Variants in GALNT16 observed in about 807,000 individuals in gnomAD.
GALNT16 encodes UDP-GalNAc:polypeptide N-acetylgalactosaminyltransferase-like protein 1.
A neutral mutation model predicts 76.1 loss-of-function variants in GALNT16; 40 were observed. The ratio of observed to expected loss-of-function variants is 0.53; its 90% CI spans 0.41 to 0.68. The LOEUF (loss-of-function observed/expected upper bound fraction) is 0.68, where lower values mean the gene tolerates loss of function less well. Among genes scored for constraint, GALNT16 ranks in the 30% least tolerant of loss-of-function variants. The pLI is 0.00. For missense variants in GALNT16, 621 were observed against 731.9 expected, an observed-to-expected ratio of 0.85 and a Z score of 1.75; for synonymous variants, 276 against 285.2, an observed-to-expected ratio of 0.97 and a Z score of 0.32.
intron 2 of GALNT16, among the ~76,000 whole-genome samples, chr14:69,321,558 C>G (rs963655411): frequency 6.6e-6 from 1 of 152,186 alleles, no homozygotes; most frequent in Non-Finnish European, 1.5e-5. Context: ...TGAAGCACCA[C>G]CCCCCGCTCC....
the GALNT16 span, among the ~76,000 whole-genome samples, chr14:69,367,946 G>A: frequency 6.6e-6 from 1 of 152,222 alleles, no homozygotes; most frequent in Admixed American, 6.5e-5. Flanking sequence ...TGACATGATT[G>A]TGCCACTGCA....
At chr14:69,383,983 A>T in the GALNT16 span, among the ~76,000 whole-genome samples, 1 of 152,100 alleles carries the variant, frequency 6.6e-6, no homozygotes, top group Non-Finnish European at 1.5e-5. Context: ...CCCTGTCTCT[A>T]AAATTTTTTT....
chr14:69,373,687 CCTCT>C, the GALNT16 span, among the ~76,000 whole-genome samples: 2 of 152,194 alleles, frequency 1.3e-5, no homozygotes, highest in African/African-American at 4.8e-5. Flanking sequence ...AGATTATCTC[CCTCT>C]AAGTCTTCTT....
chr14:69,344,799 C>G (rs2045540442), intron 12 of GALNT16, among the ~76,000 whole-genome samples: 1 of 152,208 alleles, frequency 6.6e-6, no homozygotes, highest in Non-Finnish European at 1.5e-5. Context: ...GCTGTATTCC[C>G]CCTGTGCAGT....
rs373249778 is a variant in GALNT16, at chr14:69,325,303, C to T, written c.435-34C>T. The stretch of plus-strand genomic sequence containing the variant: ...TAAAAATGGGAGGTGGTTCCTAAAT[C>T]CAGGCTCTTTCTCTGTTTCCACTGC... On this transcript the variant is annotated intron_variant, in intron 3 of 14. Coordinates refer to ENST00000448469, the MANE Select transcript of GALNT16 (RefSeq NM_001168368.2). 5.0e-6 allele frequency: 7 copies of T among 1,400,206 alleles called. No homozygotes were observed. In the Admixed American group the frequency reaches 8.4e-5, roughly 17 times the overall value. 86.7% of individuals were successfully genotyped at this position (1,400,206 alleles called of 1,614,324 possible).
intron 6 of GALNT16, among the ~76,000 whole-genome samples, chr14:69,328,886 C>T (rs555922292): frequency 3.3e-5 from 5 of 152,238 alleles, no homozygotes; most frequent in Admixed American, 2.0e-4. Flanking sequence ...AGCTTTTGTT[C>T]GGGCTGGGAA....
the GALNT16 span, among the ~76,000 whole-genome samples, chr14:69,367,941 T>C: frequency 2.6e-5 from 4 of 152,174 alleles, no homozygotes; most frequent in East Asian, 5.8e-4. Flanking sequence ...TACAGTGACA[T>C]GATTGTGCCA....
the GALNT16 span, among the ~76,000 whole-genome samples, chr14:69,370,452 G>C: frequency 2.0e-5 from 3 of 152,230 alleles, no homozygotes; most frequent in Non-Finnish European, 2.9e-5. Context: ...AAGGATCATG[G>C]ATGCATTGTC....
chr14:69,372,523 TCTTG>T, the GALNT16 span, among the ~76,000 whole-genome samples: 4 of 124,620 alleles, frequency 3.2e-5, no homozygotes, highest in South Asian at 1.0e-3. Flanking sequence ...TGAAATGGAG[TCTTG>T]CTCTGTTGCC....
rs1469497759 is a variant in GALNT16 at position 69,261,321 on chromosome 14, G to C, written c.177+854G>C. On this transcript the variant is annotated intron_variant, in intron 1 of 14. Coordinates refer to ENST00000448469, the MANE Select transcript of GALNT16 (RefSeq NM_001168368.2). This position sits in a 1 kb window ranked among gnomAD's most constrained non-coding sequence, Gnocchi z 6.4. The stretch of plus-strand genomic sequence containing the variant: ...GGCGATCCTGTCGCCGTCTCCGTCC[G>C]AGCCCCAGGTGACAGAGCTGTGCGT... 6.6e-6 allele frequency among the ~76,000 whole-genome samples: 1 copy of C among 152,162 alleles called. No individual in the cohort carries two copies. Among genetic ancestry groups the C allele is most frequent in the Non-Finnish European group, 1.5e-5 (1 of 67,994 alleles).
At chr14:69,275,264 A>T (rs2044457556) in intron 1 of GALNT16, among the ~76,000 whole-genome samples, 1 of 152,150 alleles carries the variant, frequency 6.6e-6, no homozygotes, top group African/African-American at 2.4e-5. Context: ...AGGTCAGGGA[A>T]ATTCTTGGTG....
intron 1 of GALNT16, among the ~76,000 whole-genome samples, chr14:69,309,605 C>T (rs568747781): frequency 6.6e-6 from 1 of 152,342 alleles, no homozygotes; most frequent in African/African-American, 2.4e-5. Flanking sequence ...AGCCACTAGC[C>T]AGCCACACAT....
chr14:69,308,841 C>T (rs2044975757), intron 1 of GALNT16, among the ~76,000 whole-genome samples: 1 of 152,210 alleles, frequency 6.6e-6, no homozygotes, highest in South Asian at 2.1e-4. Flanking sequence ...TGACAAATAG[C>T]CTTCTGTCAT....
intron 1 of GALNT16, among the ~76,000 whole-genome samples, chr14:69,305,485 T>A (rs920978034): frequency 6.6e-6 from 1 of 152,170 alleles, no homozygotes; most frequent in Non-Finnish European, 1.5e-5. Context: ...TTATTGTGGT[T>A]TTGATATGCA....
intron 1 of GALNT16, among the ~76,000 whole-genome samples, chr14:69,285,799 A>G (rs548987098): frequency 3.3e-5 from 5 of 152,248 alleles, no homozygotes; most frequent in African/African-American, 7.2e-5. Context: ...CATCTCTCAC[A>G]CAGAGTTTCT....
At chr14:69,374,856 AAGCAAGAAAGAG>A in the GALNT16 span, among the ~76,000 whole-genome samples, 3 of 152,194 alleles carry the variant, frequency 2.0e-5, no homozygotes, top group African/African-American at 7.2e-5. Context: ...GGAAGGCAGA[AAGCAAGAAAGAG>A]AGCAAGAAAG....
At chr14:69,381,441 A>C in the GALNT16 span, among the ~76,000 whole-genome samples, 1 of 152,244 alleles carries the variant, frequency 6.6e-6, no homozygotes, top group African/African-American at 2.4e-5. Flanking sequence ...GCTTTTTAAA[A>C]TAAATAATGC....
intron 1 of GALNT16, among the ~76,000 whole-genome samples, chr14:69,310,019 C>T (rs2140149542): frequency 6.6e-6 from 1 of 152,276 alleles, no homozygotes; most frequent in Admixed American, 6.5e-5. Flanking sequence ...ACATCATTCA[C>T]TGAATGGCAT....
At chr14:69,291,415 G>A (rs1156370757) in intron 1 of GALNT16, among the ~76,000 whole-genome samples, 4 of 152,138 alleles carry the variant, frequency 2.6e-5, no homozygotes, top group Non-Finnish European at 4.4e-5. Flanking sequence ...CTGACTTTCC[G>A]AGTCTCTAGG....
Sources: gnomAD v4.1 joint callset for allele counts (sites outside exome capture counted in the v4.1 genomes callset) on GRCh38, gnomAD v4.1.1 for gene constraint, Gnocchi (gnomAD v3.1) non-coding constraint, MANE v1.5 for transcripts, NCBI Gene and HGNC (gene_info 2026-07-23, HGNC 2026-07-21) for gene names.